The following GLRA3 variants were observed in gnomAD, a reference collection of about 807,000 sequenced individuals.
GLRA3 encodes the protein glycine receptor alpha 3.
In GLRA3, 44 loss-of-function variants were observed where a neutral mutation model predicts 60.4. The ratio of observed to expected loss-of-function variants is 0.73; its 90% CI spans 0.57 to 0.94. GLRA3 has a LOEUF of 0.94. Among genes scored for constraint, GLRA3 ranks in the 40% least tolerant of loss-of-function variants. GLRA3 has a pLI of 0.00. For synonymous variants in GLRA3, 223 were observed against 192.9 expected, an observed-to-expected ratio of 1.16 and a Z score of -1.29; for missense variants, 508 against 564.6, an observed-to-expected ratio of 0.90 and a Z score of 1.02.
At chr4:174,793,852 A>G (rs1212692422) in intron 1 of GLRA3, among the ~76,000 whole-genome samples, 1 of 152,174 alleles carries the variant, frequency 6.6e-6, no homozygotes, top group Non-Finnish European at 1.5e-5. Context: ...ATATATTTTC[A>G]GATATGGCAA....
intron 1 of GLRA3, among the ~76,000 whole-genome samples, chr4:174,798,197 G>A (rs1239523560): frequency 6.6e-6 from 1 of 152,150 alleles, no homozygotes; most frequent in Non-Finnish European, 1.5e-5. Context: ...GACTCTTGGG[G>A]AACAAATCAG....
At chr4:174,708,248 C>A (rs1382446295) in intron 5 of GLRA3, among the ~76,000 whole-genome samples, 1 of 152,040 alleles carries the variant, frequency 6.6e-6, no homozygotes, top group Non-Finnish European at 1.5e-5. Context: ...TTATCTTTTG[C>A]CTTAGCTAAT....
chr4:174,753,303 C>A (rs964879749), intron 3 of GLRA3, among the ~76,000 whole-genome samples: 1 of 152,106 alleles, frequency 6.6e-6, no homozygotes, highest in Non-Finnish European at 1.5e-5. Flanking sequence ...GCCGTTTGAA[C>A]GGTCCAGAGA....
chr4:174,766,663 T>C (rs1738152675), intron 3 of GLRA3, among the ~76,000 whole-genome samples: 1 of 152,072 alleles, frequency 6.6e-6, no homozygotes, highest in African/African-American at 2.4e-5. Flanking sequence ...TGTCTGGATA[T>C]TAAAGATTAT....
At chr4:174,808,248 A>G (rs1740126285) in intron 1 of GLRA3, among the ~76,000 whole-genome samples, 1 of 152,178 alleles carries the variant, frequency 6.6e-6, no homozygotes, top group South Asian at 2.1e-4. Flanking sequence ...ATATACAGTC[A>G]TGCACCACGT....
chr4:174,804,852 C>A (rs1036384162), intron 1 of GLRA3, among the ~76,000 whole-genome samples: 4 of 152,102 alleles, frequency 2.6e-5, no homozygotes, highest in African/African-American at 9.7e-5. Flanking sequence ...ACCAGGTGTG[C>A]CATTTGCATA....
At chr4:174,826,305 T>A (rs1297654890) in intron 1 of GLRA3, among the ~76,000 whole-genome samples, 1 of 152,202 alleles carries the variant, frequency 6.6e-6, no homozygotes, top group African/African-American at 2.4e-5. Context: ...ATAAACATAA[T>A]GCTTATAAAA....
At chr4:174,796,383 G>C (rs557382157) in intron 1 of GLRA3, among the ~76,000 whole-genome samples, 16 of 152,272 alleles carry the variant, frequency 1.1e-4, no homozygotes, top group African/African-American at 3.6e-4. Context: ...AAGTACTACT[G>C]ATGTTTCCTT....
chr4:174,741,486 T>C (rs1473299744), intron 3 of GLRA3, among the ~76,000 whole-genome samples: 1 of 152,172 alleles, frequency 6.6e-6, no homozygotes, highest in East Asian at 1.9e-4. Context: ...TACATATCCT[T>C]TGCCAGACAT....
At chr4:174,758,479 T>TAA (rs1737810987) in intron 3 of GLRA3, among the ~76,000 whole-genome samples, 1 of 152,074 alleles carries the variant, frequency 6.6e-6, no homozygotes, top group Admixed American at 6.5e-5. Flanking sequence ...AATACTCAGG[T>TAA]TGAGGTTATA....
intron 1 of GLRA3, among the ~76,000 whole-genome samples, chr4:174,827,850 T>C (rs1321305543): frequency 6.6e-6 from 1 of 152,114 alleles, no homozygotes; most frequent in Non-Finnish European, 1.5e-5. Flanking sequence ...TTAGTTACTC[T>C]AGTTATTGGA....
chr4:174,736,293 T>A (rs1736785489), intron 3 of GLRA3, among the ~76,000 whole-genome samples: 1 of 151,840 alleles, frequency 6.6e-6, no homozygotes, highest in Non-Finnish European at 1.5e-5. Flanking sequence ...TTTAAAATTT[T>A]AAAAATTTAA....
chr4:174,674,371 T>TA (rs1734032175), intron 7 of GLRA3, among the ~76,000 whole-genome samples: 1 of 152,200 alleles, frequency 6.6e-6, no homozygotes, highest in African/African-American at 2.4e-5. Flanking sequence ...GGCCACCTGA[T>TA]ACAGACACTG....
intron 5 of GLRA3, among the ~76,000 whole-genome samples, chr4:174,684,999 C>A (rs974592554): frequency 6.6e-6 from 1 of 151,978 alleles, no homozygotes; most frequent in African/African-American, 2.4e-5. Flanking sequence ...CAGAGTAAGA[C>A]CCTGTCTCAA....
chr4:174,697,504 T>C (rs1735107148), intron 5 of GLRA3, among the ~76,000 whole-genome samples: 1 of 152,220 alleles, frequency 6.6e-6, no homozygotes, highest in Non-Finnish European at 1.5e-5. Context: ...TATTTATAAT[T>C]TGTGCATTTC....
intron 3 of GLRA3, among the ~76,000 whole-genome samples, chr4:174,753,779 T>A (rs1233325335): frequency 6.6e-6 from 1 of 152,172 alleles, no homozygotes; most frequent in Non-Finnish European, 1.5e-5. Context: ...ATTTGACACA[T>A]ATCTTTGCCA....
chr4:174,778,522 C>A (rs559172511), intron 2 of GLRA3, among the ~76,000 whole-genome samples: 1 of 152,118 alleles, frequency 6.6e-6, no homozygotes, highest in African/African-American at 2.4e-5. Flanking sequence ...CCAGCGTGAC[C>A]GATGCAGAAG....
intron 3 of GLRA3, among the ~76,000 whole-genome samples, chr4:174,760,036 A>G (rs1737878302): frequency 6.6e-6 from 1 of 152,216 alleles, no homozygotes; most frequent in African/African-American, 2.4e-5. Flanking sequence ...ATCAAAAAGA[A>G]TGCCTTGAAG....
Position 174,798,719 on chromosome 4 carries a change from C to T in GLRA3, c.72-9776G>A, listed in dbSNP as rs367551875. Among the ~76,000 whole-genome samples the T allele has an allele frequency of 2.7e-3, 418 of 152,164 alleles. 1 individual carries two copies. The highest frequency in any genetic ancestry group is 9.1e-3 in the South Asian group (44 of 4,824). On this transcript the variant is annotated intron_variant, in intron 1 of 9. Coordinates refer to ENST00000274093, the MANE Select transcript of GLRA3 (RefSeq NM_006529.4). ...GCGGGCGGATCACGAGGTCAGTAGA[C>T]GGAGACCATCCTGGCTAACACGGTG...
Sources: allele counts gnomAD v4.1 joint callset (sites outside exome capture counted in the v4.1 genomes callset), GRCh38; gene constraint gnomAD v4.1.1; transcripts MANE v1.5; gene names NCBI Gene and HGNC (gene_info 2026-07-23, HGNC 2026-07-21).